Variants in PDZRN4 observed in about 807,000 individuals in gnomAD.
PDZRN4 encodes the protein PDZ domain-containing RING finger protein 4.
PDZRN4 carries 70 observed loss-of-function variants against 99.0 expected under a neutral mutation model. That is an observed-to-expected ratio of 0.71 (90% CI 0.58 to 0.86). The LOEUF (loss-of-function observed/expected upper bound fraction) is 0.86. PDZRN4 is among the 40% of genes least tolerant of loss of function. PDZRN4 has a pLI of 0.00. For synonymous variants in PDZRN4, 551 were observed against 501.6 expected, an observed-to-expected ratio of 1.10 and a Z score of -1.32; for missense variants, 1,474 against 1,331.2, an observed-to-expected ratio of 1.11 and a Z score of -1.67.
At chr12:41,447,879 A>G (rs1952742561) in intron 3 of PDZRN4, among the ~76,000 whole-genome samples, 1 of 150,536 alleles carries the variant, frequency 6.6e-6, no homozygotes, top group Non-Finnish European at 1.5e-5. Flanking sequence ...GCACTCAATA[A>G]GTATCTCATA....
At chr12:41,544,037 G>A (rs1413740590) in intron 5 of PDZRN4, among the ~76,000 whole-genome samples, 1 of 152,200 alleles carries the variant, frequency 6.6e-6, no homozygotes, top group East Asian at 1.9e-4. Flanking sequence ...AATAACTACT[G>A]TGCACTGTAT....
At chr12:41,340,731 A>G (rs1413678987) in intron 3 of PDZRN4, among the ~76,000 whole-genome samples, 1 of 151,748 alleles carries the variant, frequency 6.6e-6, no homozygotes, top group African/African-American at 2.4e-5. Flanking sequence ...ATACCCAGAC[A>G]TTTTTTAATG....
intron 3 of PDZRN4, among the ~76,000 whole-genome samples, chr12:41,232,829 T>C (rs1200599887): frequency 1.3e-5 from 2 of 151,532 alleles, no homozygotes; most frequent in African/African-American, 4.8e-5. Context: ...CTTTAATCCA[T>C]CTTGAATTAA....
intron 3 of PDZRN4, among the ~76,000 whole-genome samples, chr12:41,464,621 G>T (rs1425137554): frequency 6.6e-6 from 1 of 152,054 alleles, no homozygotes; most frequent in Admixed American, 6.6e-5. Context: ...ATGAGAATTT[G>T]TAAATAAAAA....
intron 5 of PDZRN4, among the ~76,000 whole-genome samples, chr12:41,547,124 T>A (rs1281767522): frequency 6.6e-6 from 1 of 152,166 alleles, no homozygotes; most frequent in East Asian, 1.9e-4. Context: ...AGCAAAGTAA[T>A]TGCAATTTCC....
chr12:41,214,029 A>G (rs960865513), intron 3 of PDZRN4, among the ~76,000 whole-genome samples: 6 of 152,008 alleles, frequency 3.9e-5, no homozygotes, highest in African/African-American at 1.4e-4. Context: ...AAATTTTGTT[A>G]AATTATTAAA....
chr12:41,335,223 T>A (rs1454597851), intron 3 of PDZRN4, among the ~76,000 whole-genome samples: 1 of 151,962 alleles, frequency 6.6e-6, no homozygotes, highest in African/African-American at 2.4e-5. Context: ...AATCACTATT[T>A]GCCTATTTGC....
chr12:41,536,761 T>TAAAAAAAAAAAAAAAAAA (rs59008796), intron 5 of PDZRN4, among the ~76,000 whole-genome samples: 1 of 137,362 alleles, frequency 7.3e-6, no homozygotes, highest in African/African-American at 2.7e-5. Context: ...TATTGAAAAG[T>TAAAAAAAAAAAAAAAAAA]AAAAAAAAAA....
At chr12:41,557,742 G>A (rs1428711548) in intron 7 of PDZRN4, among the ~76,000 whole-genome samples, 2 of 152,014 alleles carry the variant, frequency 1.3e-5, no homozygotes, top group Non-Finnish European at 1.5e-5. Context: ...AATACAAAGT[G>A]TGAATTAATG....
intron 3 of PDZRN4, among the ~76,000 whole-genome samples, chr12:41,310,801 T>C (rs1951601441): frequency 6.6e-6 from 1 of 152,240 alleles, no homozygotes; most frequent in African/African-American, 2.4e-5. Flanking sequence ...TCACTTTCTT[T>C]AGTAACTTTA....
Position 41,573,307 on chromosome 12 carries a change from T to A in PDZRN4, c.2528T>A (p.Ile843Asn). 1 of 1,613,344 alleles carries A rather than the reference T, an allele frequency of 6.2e-7. No homozygotes were observed. Among genetic ancestry groups the A allele is most frequent in the African/African-American group, 1.3e-5 (1 of 74,992 alleles). The part of the protein sequence containing the change: ...YHSSSYRYAN[I>N]PAHARHYQSY... The stretch of plus-strand genomic sequence containing the variant: ...AGCTCCTCATATAGATATGCAAACA[T>A]CCCAGCACACGCCCGGCATTATCAA... Residue 843 changes from isoleucine to asparagine, a missense_variant, in exon 10 of 10, where the codon ATC becomes AAC. Transcript: ENST00000402685.
intron 3 of PDZRN4, among the ~76,000 whole-genome samples, chr12:41,276,463 ATATT>A: frequency 6.6e-6 from 1 of 152,224 alleles, no homozygotes; most frequent in Non-Finnish European, 1.5e-5. Flanking sequence ...CATAGTTCAT[ATATT>A]TATATGAAAT....
intron 3 of PDZRN4, among the ~76,000 whole-genome samples, chr12:41,199,928 G>T (rs1950803479): frequency 6.6e-6 from 1 of 152,028 alleles, no homozygotes; most frequent in Non-Finnish European, 1.5e-5. Flanking sequence ...ATCTTATTCA[G>T]GTCATGTTTA....
intron 3 of PDZRN4, among the ~76,000 whole-genome samples, chr12:41,394,504 A>G (rs1231236959): frequency 1.3e-5 from 2 of 152,096 alleles, no homozygotes; most frequent in Non-Finnish European, 2.9e-5. Context: ...AAACACAAAC[A>G]TTGTTATCTC....
chr12:41,358,900 G>C (rs1951946612), intron 3 of PDZRN4, among the ~76,000 whole-genome samples: 1 of 151,746 alleles, frequency 6.6e-6, no homozygotes, highest in South Asian at 2.1e-4. Context: ...TTTCTACTGG[G>C]TTCCATTACT....
chr12:41,217,710 T>C (rs567480041), intron 3 of PDZRN4, among the ~76,000 whole-genome samples: 1 of 152,182 alleles, frequency 6.6e-6, no homozygotes, highest in Non-Finnish European at 1.5e-5. Flanking sequence ...CTCCTTCTTC[T>C]TGCTTGTTTC....
chr12:41,492,079 C>A (rs973562126), intron 3 of PDZRN4, among the ~76,000 whole-genome samples: 1 of 152,152 alleles, frequency 6.6e-6, no homozygotes, highest in African/African-American at 2.4e-5. Flanking sequence ...ATACAAAATG[C>A]ATGTTCTTCA....
intron 3 of PDZRN4, among the ~76,000 whole-genome samples, chr12:41,195,329 C>T (rs1172611667): frequency 6.6e-6 from 1 of 152,116 alleles, no homozygotes; most frequent in East Asian, 1.9e-4. Flanking sequence ...AAATTCTGTT[C>T]ACTCTAGGCT....
intron 3 of PDZRN4, among the ~76,000 whole-genome samples, chr12:41,335,362 C>T (rs1471128339): frequency 1.3e-5 from 2 of 151,456 alleles, no homozygotes; most frequent in African/African-American, 4.8e-5. Flanking sequence ...TGTGCTGCAC[C>T]CATTAACTTG....
Sources: allele counts gnomAD v4.1 joint callset (sites outside exome capture counted in the v4.1 genomes callset), GRCh38; gene constraint gnomAD v4.1.1; transcripts MANE v1.5; gene names NCBI Gene and HGNC (gene_info 2026-07-23, HGNC 2026-07-21).